The following DENND1A variants were observed in gnomAD, a reference collection of about 807,000 sequenced individuals.
The protein encoded by DENND1A is DENN domain containing 1A, also known as DENN domain-containing protein 1A.
Under a neutral mutation model 113.7 loss-of-function variants are expected in DENND1A, and 51 were observed. The observed-to-expected ratio is 0.45, with a 90% CI of 0.36 to 0.57. DENND1A has a LOEUF of 0.57. Ranked by LOEUF, DENND1A falls within the 20% of genes least tolerant of loss-of-function variation. The pLI, the probability that DENND1A is intolerant of heterozygous loss-of-function variation, is 0.00. For missense variants in DENND1A, 1,258 were observed against 1,395.9 expected (o/e 0.90, Z 1.57); for synonymous variants, 565 against 570.8 (o/e 0.99, Z 0.14).
chr9:123,636,304 GACCACAT>G (rs2061695996), intron 9 of DENND1A, among the ~76,000 whole-genome samples: 1 of 151,772 alleles, frequency 6.6e-6, no homozygotes, highest in African/African-American at 2.4e-5. Flanking sequence ...CAAGGACCAA[GACCACAT>G]CTGATTCCTC....
chr9:123,587,144 G>A (rs542854402), intron 11 of DENND1A, among the ~76,000 whole-genome samples: 4 of 152,012 alleles, frequency 2.6e-5, no homozygotes, highest in South Asian at 2.1e-4. Context: ...TAGTGAAGGC[G>A]GGGGTAGGTT....
chr9:123,678,644 A>G (rs1430006738), intron 5 of DENND1A, among the ~76,000 whole-genome samples: 1 of 152,260 alleles, frequency 6.6e-6, no homozygotes. Context: ...TAAAGTGCAC[A>G]GTCCTCTGTC....
intron 1 of DENND1A, among the ~76,000 whole-genome samples, chr9:123,894,934 G>T (rs561913898): frequency 9.9e-5 from 15 of 152,132 alleles, no homozygotes; most frequent in African/African-American, 3.6e-4. Context: ...GGAGAGGAGT[G>T]GGGGGATTTT....
chr9:123,902,488 C>G (rs903634633), intron 1 of DENND1A, among the ~76,000 whole-genome samples: 1 of 152,194 alleles, frequency 6.6e-6, no homozygotes, highest in East Asian at 1.9e-4. Context: ...AGAAGGGGAT[C>G]TGACCATCAC....
intron 2 of DENND1A, among the ~76,000 whole-genome samples, chr9:123,855,881 T>C (rs968384963): frequency 5.3e-5 from 8 of 151,714 alleles, no homozygotes; most frequent in Non-Finnish European, 1.0e-4. Context: ...CTGCTAAAAA[T>C]AGAAAATTAG....
intron 2 of DENND1A, among the ~76,000 whole-genome samples, chr9:123,829,281 C>T (rs1839839695): frequency 6.6e-6 from 1 of 152,026 alleles, no homozygotes; most frequent in Non-Finnish European, 1.5e-5. Flanking sequence ...AAACCATAAC[C>T]TTCCTTTCAA....
chr9:123,671,485 T>C (rs1459470171), intron 6 of DENND1A, 114 bp from the exon 7 acceptor site: 2 of 956,048 alleles, frequency 2.1e-6, no homozygotes, highest in Admixed American at 2.3e-5. Context: ...CTGGCCCCAG[T>C]ACAGAAATAG....
intron 13 of DENND1A, among the ~76,000 whole-genome samples, chr9:123,479,707 G>C (rs2050186359): frequency 6.6e-6 from 1 of 152,240 alleles, no homozygotes; most frequent in Non-Finnish European, 1.5e-5. Context: ...GCCTTTCCCT[G>C]TCTGCCCACT....
At chr9:123,737,137 T>C (rs1303717791) in intron 5 of DENND1A, among the ~76,000 whole-genome samples, 1 of 152,208 alleles carries the variant, frequency 6.6e-6, no homozygotes, top group Non-Finnish European at 1.5e-5. Flanking sequence ...TGGCATCTCA[T>C]ATGGAATATA....
chr9:123,811,478 G>A (rs1015966397), intron 2 of DENND1A, among the ~76,000 whole-genome samples: 14 of 152,172 alleles, frequency 9.2e-5, no homozygotes, highest in African/African-American at 2.7e-4. Flanking sequence ...AAGCATCCAC[G>A]GCTGGGCATG....
At chr9:123,393,917 C>T (rs979436999) in intron 21 of DENND1A, among the ~76,000 whole-genome samples, 4 of 151,864 alleles carry the variant, frequency 2.6e-5, no homozygotes, top group East Asian at 3.9e-4. Flanking sequence ...CTTGCTTTGC[C>T]GGAGGACAAT....
Position 123,626,577 on chromosome 9 carries a change from CCT to C in DENND1A, c.719+3797_719+3798del, listed in dbSNP as rs1282757706. Among the ~76,000 whole-genome samples, 7 of 152,186 alleles carry C rather than the reference CCT, an allele frequency of 4.6e-5. No individual in the cohort carries two copies. In the East Asian group the frequency reaches 1.4e-3, roughly 29 times the overall value. ...CTCTAGTTCCCCTCATCTCCTTCCT[CCT>C]CTCTGAGTGTCAGTGTCTGCCTCTG... On this transcript the variant is annotated intron_variant, in intron 10 of 23. Coordinates refer to ENST00000394215, the MANE Select transcript of DENND1A (RefSeq NM_001352964.2).
intron 1 of DENND1A, among the ~76,000 whole-genome samples, chr9:123,923,619 C>G (rs12115299): frequency 0.12 from 18,916 of 152,162 alleles, 1,729 homozygotes; most frequent in African/African-American, 0.26. Context: ...CATAAGCCAA[C>G]ACTGCTCCTC....
intron 21 of DENND1A, among the ~76,000 whole-genome samples, chr9:123,394,048 G>A (rs1194876334): frequency 1.3e-5 from 2 of 151,648 alleles, no homozygotes; most frequent in African/African-American, 2.4e-5. Flanking sequence ...CTGGAGTGCA[G>A]TGGCACAATC....
intron 18 of DENND1A, among the ~76,000 whole-genome samples, chr9:123,449,609 C>G (rs937538647): frequency 6.6e-6 from 1 of 151,546 alleles, no homozygotes; most frequent in African/African-American, 2.4e-5. Context: ...TATAAAAAAG[C>G]CCTCCCTCTT....
At chr9:123,889,000 G>C (rs560694872) in intron 1 of DENND1A, among the ~76,000 whole-genome samples, 7 of 149,920 alleles carry the variant, frequency 4.7e-5, no homozygotes, top group African/African-American at 1.7e-4. Context: ...GTGTGTGTGT[G>C]TGTGTGTATT....
intron 2 of DENND1A, among the ~76,000 whole-genome samples, chr9:123,832,910 GAAGACC>G: frequency 6.6e-6 from 1 of 152,122 alleles, no homozygotes; most frequent in East Asian, 1.9e-4. Flanking sequence ...ATTGAGGTGG[GAAGACC>G]ATTTGAACCC....
intron 13 of DENND1A, among the ~76,000 whole-genome samples, chr9:123,543,741 G>A (rs2056455299): frequency 1.3e-5 from 2 of 152,142 alleles, no homozygotes; most frequent in South Asian, 4.1e-4. Flanking sequence ...TCCGTCCCTG[G>A]GAAGCTTCCC....
chr9:123,413,592 G>A (rs1234141230), intron 19 of DENND1A: 2 of 985,428 alleles, frequency 2.0e-6, no homozygotes, highest in East Asian at 1.1e-4. Context: ...GGGAAAGCGG[G>A]TCCAGGGACT....
Sources: allele counts gnomAD v4.1 joint callset (sites outside exome capture counted in the v4.1 genomes callset), GRCh38; gene constraint gnomAD v4.1.1; transcripts MANE v1.5; gene names NCBI Gene and HGNC (gene_info 2026-07-23, HGNC 2026-07-21).